GLRA3: variants seen among roughly 807,000 people sequenced by gnomAD.
The protein encoded by GLRA3 is glycine receptor subunit alpha-3.
GLRA3 carries 44 observed loss-of-function variants against 60.4 expected under a neutral mutation model. The ratio of observed to expected loss-of-function variants is 0.73; its 90% confidence interval spans 0.57 to 0.94. GLRA3 has a LOEUF of 0.94. Ranked by LOEUF, GLRA3 falls within the 40% of genes least tolerant of loss-of-function variation. GLRA3 has a pLI of 0.00. For synonymous variants in GLRA3, 223 were observed against 192.9 expected, an observed-to-expected ratio of 1.16 and a Z score of -1.29; for missense variants, 508 against 564.6, an observed-to-expected ratio of 0.90 and a Z score of 1.02.
At chr4:174,796,660 C>T (rs138923971) in intron 1 of GLRA3, among the ~76,000 whole-genome samples, 3,502 of 152,112 alleles carry the variant, frequency 0.023, 150 homozygotes, top group African/African-American at 0.081. Context: ...CCTCAGCCCC[C>T]CGAGTAGCTG....
chr4:174,766,669 A>T (rs536020080), intron 3 of GLRA3, among the ~76,000 whole-genome samples: 38 of 152,204 alleles, frequency 2.5e-4, no homozygotes, highest in African/African-American at 8.4e-4. Context: ...GATATTAAAG[A>T]TTATTGGAAA....
Position 174,691,804 on chromosome 4 carries a change from C to G in GLRA3, c.575-8865G>C, listed in dbSNP as rs531320104. On this transcript the variant is annotated intron_variant, in intron 5 of 9. Transcript: ENST00000274093. ...AAGTGCCAAGATTGCAGCCTCTGCC[C>G]GGCCGCCACCCCATCTGGGAAGTGA... Among the ~76,000 whole-genome samples the G allele has an allele frequency of 9.9e-5, 15 of 152,222 alleles. No homozygotes were observed. In the East Asian group the frequency reaches 1.7e-3, roughly 18 times the overall value.
Position 174,643,539 on chromosome 4 carries a change from T to A in GLRA3, c.*247A>T. On this transcript the variant is annotated 3_prime_UTR_variant, in exon 10 of 10. Coordinates refer to ENST00000274093, the MANE Select transcript of GLRA3 (RefSeq NM_006529.4). ...TAAAGCTTCCACTTACATGGTTTAC[T>A]GTGAAAAAACAAATCACCTGGAATT... is the stretch of plus-strand genomic sequence containing the variant. 8.6e-7 allele frequency: 1 copy of A among 1,159,994 alleles called. No homozygotes were observed. Among genetic ancestry groups the A allele is most frequent in the East Asian group, 4.1e-5 (1 of 24,264 alleles). The allele number at this position is 1,159,994 out of a possible 1,614,324, so 71.9% of individuals were successfully genotyped here. A position where few individuals can be genotyped will look rare whatever the true frequency, so the allele number is the denominator to read the frequency against.
chr4:174,724,037 C>CAT lies in GLRA3; in HGVS notation c.491+4436_491+4437dup, dbSNP rs1237890705. 1.2e-4 allele frequency among the ~76,000 whole-genome samples: 16 copies of CAT among 138,736 alleles called. No individual in the cohort carries two copies. In the East Asian group the frequency reaches 3.3e-3, roughly 29 times the overall value. 91.0% of individuals were successfully genotyped at this position (138,736 alleles called of 152,430 possible). On this transcript the variant is annotated intron_variant, in intron 4 of 9. Transcript: ENST00000274093. ...GTATATTTTTACATACATAGCTATG[C>CAT]ATATATATATTTGTGTGTGTGTGTG...
intron 9 of GLRA3, among the ~76,000 whole-genome samples, chr4:174,645,015 T>C (rs1196634384): frequency 6.6e-6 from 1 of 152,162 alleles, no homozygotes; most frequent in Non-Finnish European, 1.5e-5. Flanking sequence ...GGCTACTAAA[T>C]TGAAGGTCTA....
chr4:174,751,652 G>T (rs1423885494), intron 3 of GLRA3, among the ~76,000 whole-genome samples: 1 of 152,112 alleles, frequency 6.6e-6, no homozygotes, highest in Non-Finnish European at 1.5e-5. Flanking sequence ...TGACAGCATT[G>T]CTGTTACGTA....
chr4:174,773,932 G>C (rs968332276), intron 2 of GLRA3, among the ~76,000 whole-genome samples: 1 of 147,918 alleles, frequency 6.8e-6, no homozygotes, highest in African/African-American at 2.5e-5. Context: ...CCACATGCAG[G>C]AAATGTTGGA....
Position 174,802,968 on chromosome 4 carries a change from T to G in GLRA3, c.72-14025A>C, listed in dbSNP as rs529202092. ...TGCCAGTGATAAATTATATATCGTT[T>G]GTACATGAACATAGCATATTTGAGT... On this transcript the variant is annotated intron_variant, in intron 1 of 9. Transcript: ENST00000274093. Among the ~76,000 whole-genome samples the G allele has an allele frequency of 4.6e-5, 7 of 152,184 alleles. No individual in the cohort carries two copies. The South Asian group carries it at 1.0e-3, about 23-fold the overall frequency.
chr4:174,782,316 T>C (rs1738914978), intron 2 of GLRA3, among the ~76,000 whole-genome samples: 1 of 151,834 alleles, frequency 6.6e-6, no homozygotes, highest in Non-Finnish European at 1.5e-5. Flanking sequence ...TGGGACGTAT[T>C]TCAAAATAAT....
chr4:174,805,335 T>G (rs1020365819), intron 1 of GLRA3, among the ~76,000 whole-genome samples: 13 of 152,144 alleles, frequency 8.5e-5, no homozygotes, highest in African/African-American at 2.9e-4. Context: ...GTGACTTGAT[T>G]GTGCATGAAT....
intron 3 of GLRA3, among the ~76,000 whole-genome samples, chr4:174,732,773 C>A (rs1736603252): frequency 6.9e-6 from 1 of 145,578 alleles, no homozygotes. Context: ...CTCTCTCTCT[C>A]TCTCTATATA....
In GLRA3 at chr4:174,728,417, A is replaced by C. The variant is rs548624980; in HGVS notation, c.491+58T>G. On this transcript the variant is annotated intron_variant, in intron 4 of 9. Coordinates refer to ENST00000274093, the MANE Select transcript of GLRA3 (RefSeq NM_006529.4). ...AAAACTTTCACCAAACAAACCAACCAACAATACACCATGATATTCTATTTC... is the reference window on the plus strand; with the variant it reads ...AAAACTTTCACCAAACAAACCAACCCACAATACACCATGATATTCTATTTC... 8.3e-6 allele frequency: 8 copies of C among 964,000 alleles called. No homozygotes were observed. In the African/African-American group the frequency reaches 9.8e-5, roughly 12 times the overall value. 59.7% of individuals were successfully genotyped at this position (964,000 alleles called of 1,614,324 possible).
intron 3 of GLRA3, among the ~76,000 whole-genome samples, chr4:174,754,927 C>T (rs767443401): frequency 1.1e-4 from 16 of 151,972 alleles, no homozygotes; most frequent in South Asian, 6.2e-4. Context: ...TATAAACATG[C>T]GTGAAAGAGC....
Position 174,656,775 on chromosome 4 carries a change from C to T in GLRA3, c.1084G>A (p.Ala362Thr), listed in dbSNP as rs766111922. The T allele has an allele frequency of 1.9e-6, 3 of 1,585,832 alleles. No individual in the cohort carries two copies. The South Asian group carries it at 3.3e-5, about 18-fold the overall frequency. ...RKRKNKTEAF[A>T]LEKFYRFSDM... is the part of the protein sequence containing the mutation. ...GAGAAACGGTAAAACTTCTCCAGTG[C>T]AAAAGCTTCTGTCTGTGGGAAGGTA... Residue 362 changes from alanine (A) to threonine (T), a missense_variant, in exon 9 of 10, where the codon GCA becomes ACA. By Grantham distance (58) the Ala-to-Thr change is moderately conservative. Coordinates refer to ENST00000274093, the MANE Select transcript of GLRA3 (RefSeq NM_006529.4).
At chr4:174,654,593 C>T (rs537312214) in intron 9 of GLRA3, among the ~76,000 whole-genome samples, 1 of 152,056 alleles carries the variant, frequency 6.6e-6, no homozygotes, top group Non-Finnish European at 1.5e-5. Context: ...TGCAGCAAAC[C>T]ATTGCACTAT....
intron 3 of GLRA3, among the ~76,000 whole-genome samples, chr4:174,746,935 GA>G (rs1305047433): frequency 2.0e-5 from 3 of 151,854 alleles, no homozygotes; most frequent in African/African-American, 7.3e-5. Context: ...ATCAACAAAA[GA>G]GGGAAAAATA....
intron 3 of GLRA3, among the ~76,000 whole-genome samples, chr4:174,734,071 A>C (rs1579524307): frequency 6.6e-6 from 1 of 152,056 alleles, no homozygotes. Context: ...GGCAAATACC[A>C]CTGGATTCAT....
At chr4:174,718,029 T>A (rs544960584) in intron 4 of GLRA3, among the ~76,000 whole-genome samples, 1 of 152,272 alleles carries the variant, frequency 6.6e-6, no homozygotes, top group African/African-American at 2.4e-5. Context: ...AAAAGAGACA[T>A]TACATAATTC....
At chr4:174,666,763 A>AT (rs1290531015) in intron 7 of GLRA3, among the ~76,000 whole-genome samples, 49 of 110,756 alleles carry the variant, frequency 4.4e-4, no homozygotes, top group South Asian at 3.0e-3. Context: ...TATATATTAT[A>AT]TATATATATA....
Sources: gnomAD v4.1 joint callset for allele counts (sites outside exome capture counted in the v4.1 genomes callset) on GRCh38, gnomAD v4.1.1 for gene constraint, MANE v1.5 for transcripts, NCBI Gene and HGNC (gene_info 2026-07-23, HGNC 2026-07-21) for gene names.